Variants in SATL1 observed in about 807,000 individuals in gnomAD.
SATL1 encodes the protein spermidine/spermine N1-acetyl transferase like 1, also known as spermidine/spermine N(1)-acetyltransferase-like protein 1.
A neutral mutation model predicts 51.8 loss-of-function variants in SATL1; 47 were observed. The ratio of observed to expected loss-of-function variants is 0.91; its 90% CI spans 0.72 to 1.16. SATL1 has a LOEUF of 1.16. Among genes scored for constraint, SATL1 ranks in the 50% most tolerant of loss-of-function variants. The pLI is 0.00. For missense variants in SATL1, 520 were observed against 526.4 expected, an observed-to-expected ratio of 0.99 and a Z score of 0.12; for synonymous variants, 176 against 182.4, an observed-to-expected ratio of 0.97 and a Z score of 0.28.
At chrX:85,158,529 C>T (rs948056260) in intron 2 of SATL1, among the ~76,000 whole-genome samples, 8 of 111,898 alleles carry the variant, frequency 7.1e-5, no homozygotes, top group Non-Finnish European at 1.5e-4. Flanking sequence ...AATTTATCTA[C>T]CTTTAAAACA....
At chrX:85,116,970 G>C (rs1452966424) in intron 2 of SATL1, among the ~76,000 whole-genome samples, 1 of 111,104 alleles carries the variant, frequency 9.0e-6, no homozygotes, top group Non-Finnish European at 1.9e-5. Context: ...GACCTTCCAG[G>C]AACATTTGGT....
chrX:85,243,594 T>C lies in SATL1; in HGVS notation c.-441A>G, dbSNP rs898063204. 4 of 111,747 alleles carry C rather than the reference T, an allele frequency of 3.6e-5. No homozygotes were observed. The highest frequency in any genetic ancestry group is 9.8e-5 in the African/African-American group (3 of 30,662). The allele number at this position is 111,747 out of a possible 1,213,427, so 9.2% of individuals were successfully genotyped here. ...TTATTGGGGTGAGGCATACCTCTTA[T>C]TACTCTGGTCAGTCTAATTTGTCAA... On this transcript the variant is annotated 5_prime_UTR_variant, in exon 1 of 8. Coordinates refer to ENST00000644105, the MANE Select transcript of SATL1 (RefSeq NM_001367857.2).
Position 85,149,353 on chromosome X carries a change from T to A in SATL1, c.-312-40073A>T, listed in dbSNP as rs778749769. ...ACCTACAAAGAGTCTTAGACTCCCA[T>A]ACAATAATAATGGGAGACTTTAACA... On this transcript the variant is annotated intron_variant, in intron 2 of 7. Coordinates refer to ENST00000644105, the MANE Select transcript of SATL1 (RefSeq NM_001367857.2). 3.0e-3 allele frequency among the ~76,000 whole-genome samples: 334 copies of A among 110,986 alleles called. 2 individuals are homozygous for A. The highest frequency in any genetic ancestry group is 4.8e-3 in the Non-Finnish European group (253 of 52,960).
intron 2 of SATL1, 140 bp downstream of exon 2, chrX:85,224,065 A>G (rs1364900527): frequency 1.8e-5 from 2 of 111,899 alleles, no homozygotes; most frequent in African/African-American, 6.5e-5. Context: ...TGTGGCTGCC[A>G]TAACAAATTA....
intron 2 of SATL1, among the ~76,000 whole-genome samples, chrX:85,122,009 A>G (rs2147701397): frequency 9.4e-6 from 1 of 106,576 alleles, no homozygotes; most frequent in African/African-American, 3.4e-5. Context: ...TCAGTTTAAA[A>G]ATAACTAAAT....
At chrX:85,180,268 T>TC (rs980809112) in intron 2 of SATL1, among the ~76,000 whole-genome samples, 1 of 111,113 alleles carries the variant, frequency 9.0e-6, no homozygotes, top group African/African-American at 3.3e-5. Flanking sequence ...ATTCCTTCCC[T>TC]CCCCTGTTCA....
intron 2 of SATL1, among the ~76,000 whole-genome samples, chrX:85,132,864 A>G (rs1447954443): frequency 8.9e-6 from 1 of 111,752 alleles, no homozygotes; most frequent in Non-Finnish European, 1.9e-5. Context: ...GTTGATGTTG[A>G]TGCTATTCCT....
chrX:85,156,184 T>C (rs1264880386), intron 2 of SATL1: 2 of 111,602 alleles, frequency 1.8e-5, no homozygotes, highest in African/African-American at 3.3e-5. Flanking sequence ...CCATTCTTAT[T>C]GCTTTCTCTT....
At chrX:85,237,027 T>A (rs774231321) in intron 1 of SATL1, among the ~76,000 whole-genome samples, 1 of 111,277 alleles carries the variant, frequency 9.0e-6, no homozygotes, top group African/African-American at 3.2e-5. Flanking sequence ...AAAAAGAAAT[T>A]TTTTAAAATC....
intron 2 of SATL1, among the ~76,000 whole-genome samples, chrX:85,147,782 C>A (rs1477821178): frequency 8.9e-6 from 1 of 111,914 alleles, no homozygotes; most frequent in East Asian, 2.8e-4. Context: ...AGAAGGGAAA[C>A]TAACAAACAG....
intron 2 of SATL1, among the ~76,000 whole-genome samples, chrX:85,197,333 T>C (rs1360420148): frequency 1.8e-5 from 2 of 111,482 alleles, no homozygotes; most frequent in East Asian, 5.6e-4. Context: ...AAATGGGGTA[T>C]ACATCACTTC....
At chrX:85,116,464 C>G (rs1178304884) in intron 2 of SATL1, among the ~76,000 whole-genome samples, 1 of 111,862 alleles carries the variant, frequency 8.9e-6, no homozygotes, top group Non-Finnish European at 1.9e-5. Context: ...AGGGTGGGCT[C>G]TCTGCATGTG....
chrX:85,136,252 C>A (rs1569234269), intron 2 of SATL1, among the ~76,000 whole-genome samples: 2 of 104,278 alleles, frequency 1.9e-5, no homozygotes, highest in Non-Finnish European at 4.0e-5. Flanking sequence ...AATTTCCAAG[C>A]AGAGATGTTC....
At chrX:85,109,588 C>T (rs1925210257) in intron 2 of SATL1, among the ~76,000 whole-genome samples, 1 of 111,862 alleles carries the variant, frequency 8.9e-6, no homozygotes, top group Non-Finnish European at 1.9e-5. Flanking sequence ...ACTCCCCTCC[C>T]TTTCCCTTCA....
At chrX:85,110,388 T>C (rs1278961018) in intron 2 of SATL1, among the ~76,000 whole-genome samples, 1 of 112,215 alleles carries the variant, frequency 8.9e-6, no homozygotes, top group Non-Finnish European at 1.9e-5. Context: ...ATGTATATTA[T>C]ATAACTGGTT....
intron 2 of SATL1, among the ~76,000 whole-genome samples, chrX:85,130,210 C>A (rs1036619949): frequency 8.9e-6 from 1 of 111,780 alleles, no homozygotes. Flanking sequence ...GGAATAGTTT[C>A]AGAAGGAATG....
At chrX:85,150,939 C>T (rs1228498684) in intron 2 of SATL1, among the ~76,000 whole-genome samples, 1 of 111,159 alleles carries the variant, frequency 9.0e-6, no homozygotes, top group Non-Finnish European at 1.9e-5. Context: ...CGCTCCTATT[C>T]AACACAGTGT....
At chrX:85,242,199 C>G (rs908064231) in intron 1 of SATL1, among the ~76,000 whole-genome samples, 2 of 112,327 alleles carry the variant, frequency 1.8e-5, no homozygotes, top group Non-Finnish European at 3.8e-5. Flanking sequence ...TGTAAAAACC[C>G]CACATCTTTC....
intron 2 of SATL1, chrX:85,156,412 C>T (rs768305170): frequency 2.7e-5 from 3 of 111,071 alleles, no homozygotes; most frequent in Non-Finnish European, 3.8e-5. Flanking sequence ...TGATCAAGGC[C>T]GGGTAAACAC....
Sources: gnomAD v4.1 joint callset for allele counts (sites outside exome capture counted in the v4.1 genomes callset) on GRCh38, gnomAD v4.1.1 for gene constraint, MANE v1.5 for transcripts, NCBI Gene and HGNC (gene_info 2026-07-23, HGNC 2026-07-21) for gene names.